GAS7: variants seen among roughly 807,000 people sequenced by gnomAD.
GAS7 encodes the protein growth arrest specific 7.
In GAS7, 28 loss-of-function variants were observed where a neutral mutation model predicts 71.1. That is an observed-to-expected ratio of 0.39 (90% CI 0.29 to 0.54). The LOEUF is 0.54. GAS7 is among the 20% of genes least tolerant of loss of function. The probability of loss-of-function intolerance (pLI) is 0.62; values close to 1 mark genes in which losing one functional copy is unlikely to be tolerated. For missense variants in GAS7, 436 were observed against 627.8 expected (o/e 0.69, Z 3.27); for synonymous variants, 258 against 245.8 (o/e 1.05, Z -0.46).
chr17:10,171,764 T>C (rs1200457182), intron 1 of GAS7, among the ~76,000 whole-genome samples: 2 of 150,620 alleles, frequency 1.3e-5, no homozygotes, highest in African/African-American at 4.8e-5. Context: ...GAGCAAATTC[T>C]TTGACCTCTC....
chr17:9,951,673 C>T (rs1373152423), intron 5 of GAS7, among the ~76,000 whole-genome samples: 1 of 143,112 alleles, frequency 7.0e-6, no homozygotes, highest in African/African-American at 2.5e-5. Context: ...AGGAGAATCG[C>T]TTGAACCTGG....
chr17:9,957,987 A>T (rs995450499), intron 5 of GAS7, among the ~76,000 whole-genome samples: 5 of 152,176 alleles, frequency 3.3e-5, no homozygotes, highest in African/African-American at 4.8e-5. Flanking sequence ...CTCATCTGTA[A>T]ACAGGGTGAT....
chr17:10,165,932 C>T (rs1409390280), intron 1 of GAS7, among the ~76,000 whole-genome samples: 1 of 152,136 alleles, frequency 6.6e-6, no homozygotes, highest in African/African-American at 2.4e-5. Context: ...GAAGGTCATT[C>T]TGTCCTTGGT....
At chr17:10,126,872 G>C (rs773384919) in intron 1 of GAS7, among the ~76,000 whole-genome samples, 29 of 152,320 alleles carry the variant, frequency 1.9e-4, no homozygotes, top group Non-Finnish European at 4.1e-4. Context: ...TGCCGCTTAA[G>C]CTGTGTGACC....
chr17:10,131,300 T>A (rs1305169710), intron 1 of GAS7, among the ~76,000 whole-genome samples: 2 of 152,248 alleles, frequency 1.3e-5, no homozygotes, highest in African/African-American at 4.8e-5. Context: ...CCAACATTGC[T>A]TGGGTTAGCA....
chr17:9,960,988 G>C (rs989514665), intron 4 of GAS7, among the ~76,000 whole-genome samples: 1 of 152,100 alleles, frequency 6.6e-6, no homozygotes, highest in African/African-American at 2.4e-5. Context: ...ATCAACTGAG[G>C]AAAAAGTGTC....
At chr17:10,178,120 A>T (rs935555234) in intron 1 of GAS7, among the ~76,000 whole-genome samples, 5 of 152,212 alleles carry the variant, frequency 3.3e-5, no homozygotes, top group African/African-American at 1.2e-4. Flanking sequence ...CTGGGAGTGT[A>T]TGTGGCAGAA....
rs911643103 is a variant in GAS7, at chr17:9,926,981, C to T, written c.886-212G>A. The stretch of plus-strand genomic sequence containing the variant: ...AGGTCACCTTAGCTCAGGAGGCCCC[C>T]ACACACGTCTACAGGATAAGTGGTT... On this transcript the variant is annotated intron_variant, in intron 9 of 13. Coordinates refer to ENST00000432992, the MANE Select transcript of GAS7 (RefSeq NM_201433.2). This position sits in a 1 kb window ranked among gnomAD's most constrained non-coding sequence, Gnocchi z 5.0. 1.8e-6 allele frequency: 1 copy of T among 563,580 alleles called. No homozygotes were observed. The highest frequency in any genetic ancestry group is 1.9e-5 in the African/African-American group (1 of 53,468). The allele number at this position is 563,580 out of a possible 1,614,324, so 34.9% of individuals were successfully genotyped here. A position where few individuals can be genotyped will look rare whatever the true frequency, so the allele number is the denominator to read the frequency against.
At position 9,919,096 on chromosome 17, in the gene GAS7, C is replaced by T. The variant is rs558091876; in HGVS notation, c.1218+530G>A. Reference sequence around the variant, plus strand: ...CACTGTCCACTCAGGCAGGTGCTGACTGATAAGGAGATGCTGCCCCTTTAC... The same window carrying T: ...CACTGTCCACTCAGGCAGGTGCTGATTGATAAGGAGATGCTGCCCCTTTAC... On this transcript the variant is annotated intron_variant, in intron 12 of 13. Coordinates refer to ENST00000432992, the MANE Select transcript of GAS7 (RefSeq NM_201433.2). The surrounding 1 kb of genome is among the most constrained non-coding windows in gnomAD (Gnocchi z 5.0). Among the ~76,000 whole-genome samples the T allele has an allele frequency of 1.3e-4, 20 of 152,174 alleles. No homozygotes were observed. Among genetic ancestry groups the T allele is most frequent in the Non-Finnish European group, 2.5e-4 (17 of 68,018 alleles).
At position 9,912,794 on chromosome 17, in the gene GAS7, G is replaced by C. The variant is rs2152058843; in HGVS notation, c.*4434C>G. 1 of 232,682 alleles carries C rather than the reference G, an allele frequency of 4.3e-6. No individual in the cohort carries two copies. Among genetic ancestry groups the C allele is most frequent in the Middle Eastern group, 1.3e-3 (1 of 786 alleles). The allele number at this position is 232,682 out of a possible 1,614,324, so 14.4% of individuals were successfully genotyped here. On this transcript the variant is annotated 3_prime_UTR_variant, in exon 14 of 14. Coordinates refer to ENST00000432992, the MANE Select transcript of GAS7 (RefSeq NM_201433.2). ...GTCGTGCAAACAAGTTGAAGACCCT[G>C]GGCCAAGAACTTCCAGGGCGAAAGG...
intron 7 of GAS7, among the ~76,000 whole-genome samples, chr17:9,940,808 C>G (rs1028963520): frequency 2.6e-5 from 4 of 152,208 alleles, no homozygotes; most frequent in African/African-American, 9.7e-5. Context: ...GCAGGCAGGC[C>G]TTTGACACAT....
intron 8 of GAS7, among the ~76,000 whole-genome samples, chr17:9,938,737 CAAAAGGAAACCCGGT>C (rs2068491395): frequency 6.6e-6 from 1 of 152,134 alleles, no homozygotes; most frequent in African/African-American, 2.4e-5. Context: ...ATACACACCC[CAAAAGGAAACCCGGT>C]AACTTTTAAG....
intron 1 of GAS7, among the ~76,000 whole-genome samples, chr17:10,029,381 A>G (rs2072554031): frequency 6.6e-6 from 1 of 152,232 alleles, no homozygotes; most frequent in Non-Finnish European, 1.5e-5. Context: ...AGCAAGACAA[A>G]TAAAGGTGAA....
chr17:9,919,969 T>TTGTGTGTGTGTGTG lies in GAS7; in HGVS notation c.1139-278_1139-265dup, dbSNP rs34994635. Among the ~76,000 whole-genome samples the TTGTGTGTGTGTGTG allele has an allele frequency of 7.4e-4, 97 of 131,494 alleles. 1 individual carries two copies. Among genetic ancestry groups the TTGTGTGTGTGTGTG allele is most frequent in the Middle Eastern group, 4.1e-3 (1 of 244 alleles). 86.3% of individuals were successfully genotyped at this position (131,494 alleles called of 152,430 possible). On this transcript the variant is annotated intron_variant, in intron 11 of 13. Coordinates refer to ENST00000432992, the MANE Select transcript of GAS7 (RefSeq NM_201433.2). This position sits in a 1 kb window ranked among gnomAD's most constrained non-coding sequence, Gnocchi z 5.0. ...AGGATTCAGGATGGTGGTTCTCATT[T>TTGTGTGTGTGTGTG]TGTGTGTGTGTGTGTGTGTGTGTGT...
intron 1 of GAS7, among the ~76,000 whole-genome samples, chr17:10,188,947 A>AT (rs750306139): frequency 1.8e-4 from 27 of 152,138 alleles, no homozygotes; most frequent in Non-Finnish European, 3.1e-4. Flanking sequence ...CCCAGCCTGT[A>AT]TATGTTTTAT....
chr17:10,111,310 G>A (rs1431253372), intron 1 of GAS7, among the ~76,000 whole-genome samples: 8 of 5,076 alleles, frequency 1.6e-3, no homozygotes, highest in Admixed American at 5.8e-3. Flanking sequence ...CGAGGTGGGC[G>A]GATGATGGGT....
chr17:10,167,164 C>A (rs1463202891), intron 1 of GAS7, among the ~76,000 whole-genome samples: 1 of 146,226 alleles, frequency 6.8e-6, no homozygotes, highest in Non-Finnish European at 1.5e-5. Flanking sequence ...TTCAAGCGAT[C>A]CTCCTGCCTC....
At chr17:9,987,104 C>T (rs956217926) in intron 2 of GAS7, among the ~76,000 whole-genome samples, 4 of 152,240 alleles carry the variant, frequency 2.6e-5, no homozygotes, top group South Asian at 2.1e-4. Context: ...CTCCAGGCCT[C>T]AAGAGATGCT....
chr17:10,142,414 G>C (rs576024703), intron 1 of GAS7, among the ~76,000 whole-genome samples: 37 of 152,148 alleles, frequency 2.4e-4, no homozygotes, highest in Non-Finnish European at 4.6e-4. Flanking sequence ...TGTTGACCAG[G>C]CTGGAGTGCA....
Sources: gnomAD v4.1 joint callset for allele counts (sites outside exome capture counted in the v4.1 genomes callset) on GRCh38, gnomAD v4.1.1 for gene constraint, Gnocchi (gnomAD v3.1) non-coding constraint, MANE v1.5 for transcripts, NCBI Gene and HGNC (gene_info 2026-07-23, HGNC 2026-07-21) for gene names.